The following HCN1 variants were observed in gnomAD, a reference collection of about 807,000 sequenced individuals.
HCN1 encodes potassium/sodium hyperpolarization-activated cyclic nucleotide-gated channel 1.
HCN1 carries 13 observed loss-of-function variants against 78.9 expected under a neutral mutation model. That is an observed-to-expected ratio of 0.16 (90% confidence interval 0.11 to 0.26). HCN1 has a LOEUF of 0.26. HCN1 is among the 10% of genes least tolerant of loss of function. HCN1 has a pLI of 1.00. For synonymous variants in HCN1, 552 were observed against 455.5 expected, an observed-to-expected ratio of 1.21 and a Z score of -2.70; for missense variants, 810 against 1,154.3, an observed-to-expected ratio of 0.70 and a Z score of 4.32.
At chr5:45,551,589 A>G (rs1743371550) in intron 2 of HCN1, among the ~76,000 whole-genome samples, 1 of 151,988 alleles carries the variant, frequency 6.6e-6, no homozygotes, top group Non-Finnish European at 1.5e-5. Flanking sequence ...ATACTGCCTC[A>G]CAAAGGGCAT....
At chr5:45,601,435 G>A (rs1205980171) in intron 2 of HCN1, among the ~76,000 whole-genome samples, 1 of 152,060 alleles carries the variant, frequency 6.6e-6, no homozygotes, top group Non-Finnish European at 1.5e-5. Flanking sequence ...TGACCTTTGG[G>A]GCCTGTGTTT....
chr5:45,657,846 C>A (rs1745805805), intron 1 of HCN1, among the ~76,000 whole-genome samples: 1 of 152,186 alleles, frequency 6.6e-6, no homozygotes, highest in African/African-American at 2.4e-5. Flanking sequence ...ATGCCATCCC[C>A]ATCAAGCTAC....
intron 4 of HCN1, among the ~76,000 whole-genome samples, chr5:45,374,808 C>T (rs1456745138): frequency 6.9e-6 from 1 of 145,184 alleles, no homozygotes; most frequent in Non-Finnish European, 1.5e-5. Context: ...ATATATAAAA[C>T]CATATATATG....
chr5:45,453,199 A>C (rs1007698966), intron 3 of HCN1, among the ~76,000 whole-genome samples: 6 of 152,116 alleles, frequency 3.9e-5, no homozygotes, highest in African/African-American at 1.2e-4. Flanking sequence ...TAGAAAGAGA[A>C]AGTTCATATG....
chr5:45,371,682 G>A (rs1469904214), intron 4 of HCN1, among the ~76,000 whole-genome samples: 17 of 149,514 alleles, frequency 1.1e-4, no homozygotes, highest in Admixed American at 2.7e-4. Context: ...ACTTGAACCC[G>A]GGAGGCGAAG....
intron 3 of HCN1, among the ~76,000 whole-genome samples, chr5:45,446,339 G>A (rs913890077): frequency 6.6e-6 from 1 of 152,002 alleles, no homozygotes; most frequent in African/African-American, 2.4e-5. Flanking sequence ...GTTTAGACAT[G>A]AAGAATAAAA....
At chr5:45,297,177 A>G (rs1014725014) in intron 6 of HCN1, among the ~76,000 whole-genome samples, 1 of 152,106 alleles carries the variant, frequency 6.6e-6, no homozygotes, top group Non-Finnish European at 1.5e-5. Flanking sequence ...TGGGAAACGA[A>G]GAGATGGGCT....
At chr5:45,446,000 C>T (rs543381977) in intron 3 of HCN1, among the ~76,000 whole-genome samples, 10 of 151,824 alleles carry the variant, frequency 6.6e-5, no homozygotes, top group Non-Finnish European at 1.0e-4. Flanking sequence ...TCCAAAGGAA[C>T]GCAGTTCCTC....
intron 6 of HCN1, among the ~76,000 whole-genome samples, chr5:45,280,610 C>T (rs1287089006): frequency 2.0e-5 from 3 of 152,162 alleles, no homozygotes; most frequent in Non-Finnish European, 4.4e-5. Context: ...CAGGAGTGCT[C>T]ATGAGGACAT....
In HCN1 at chr5:45,349,372, T is replaced by C. The variant is rs943735519; in HGVS notation, c.1377+3728A>G. Among the ~76,000 whole-genome samples, 8 of 152,146 alleles carry C rather than the reference T, an allele frequency of 5.3e-5. No individual in the cohort carries two copies. In the South Asian group the frequency reaches 6.2e-4, roughly 12 times the overall value. Reference sequence around the variant, plus strand: ...CAGAATCTCTGGGACACATTCAAAGTAGTGTGTAGAGGGAAATTCATAGCA... The same window carrying C: ...CAGAATCTCTGGGACACATTCAAAGCAGTGTGTAGAGGGAAATTCATAGCA... On this transcript the variant is annotated intron_variant, in intron 5 of 7. Transcript: ENST00000303230.
chr5:45,535,955 G>A lies in HCN1; in HGVS notation c.850-73948C>T, dbSNP rs374672969. ...TTTCTTATTCACTTTTACCAGTTAAGGATAATTTCTATGGATACAGAATTC... is the reference window on the plus strand; with the variant it reads ...TTTCTTATTCACTTTTACCAGTTAAAGATAATTTCTATGGATACAGAATTC... On this transcript the variant is annotated intron_variant, in intron 2 of 7. Transcript: ENST00000303230. Among the ~76,000 whole-genome samples the A allele has an allele frequency of 2.0e-4, 30 of 152,178 alleles. No homozygotes were observed. The South Asian group carries it at 6.2e-3, about 32-fold the overall frequency.
At chr5:45,659,065 T>A (rs1745857618) in intron 1 of HCN1, among the ~76,000 whole-genome samples, 1 of 151,986 alleles carries the variant, frequency 6.6e-6, no homozygotes, top group African/African-American at 2.4e-5. Flanking sequence ...TCTGACAGCT[T>A]TGAAGAGACC....
intron 5 of HCN1, among the ~76,000 whole-genome samples, chr5:45,330,134 A>G (rs1746315493): frequency 6.6e-6 from 1 of 151,488 alleles, no homozygotes; most frequent in East Asian, 1.9e-4. Context: ...ACACTAAGAA[A>G]TCAACATTGC....
chr5:45,608,311 AT>A (rs1387635592), intron 2 of HCN1, among the ~76,000 whole-genome samples: 10 of 151,740 alleles, frequency 6.6e-5, no homozygotes, highest in Non-Finnish European at 1.5e-4. Context: ...GTATCAATAA[AT>A]TCATTACAAT....
rs1561076561 is a variant in HCN1, at chr5:45,256,781, C to CCCTG, written c.*5136_*5139dup. ...GTAGAGACCAGGTCTTGACATGCTG[C>CCCTG]CCTGGTTGGTCTCCAATTCCTGGCC... On this transcript the variant is annotated 3_prime_UTR_variant, in exon 8 of 8. Coordinates refer to ENST00000303230, the MANE Select transcript of HCN1 (RefSeq NM_021072.4). 1 of 152,592 alleles carries CCCTG rather than the reference C, an allele frequency of 6.6e-6. No individual in the cohort carries two copies. Among genetic ancestry groups the CCCTG allele is most frequent in the Non-Finnish European group, 1.5e-5 (1 of 68,424 alleles). 9.5% of individuals were successfully genotyped at this position (152,592 alleles called of 1,614,324 possible). A position where few individuals can be genotyped will look rare whatever the true frequency, so the allele number is the denominator to read the frequency against.
chr5:45,325,238 G>A (rs1236538581), intron 5 of HCN1, among the ~76,000 whole-genome samples: 1 of 151,616 alleles, frequency 6.6e-6, no homozygotes, highest in African/African-American at 2.4e-5. Flanking sequence ...TTCTAAATTA[G>A]CCAGGTTCCA....
At chr5:45,513,132 C>A (rs912505022) in intron 2 of HCN1, among the ~76,000 whole-genome samples, 2 of 151,296 alleles carry the variant, frequency 1.3e-5, no homozygotes, top group African/African-American at 4.8e-5. Context: ...ATGGCAAAAC[C>A]CCTAGATTTT....
intron 2 of HCN1, among the ~76,000 whole-genome samples, chr5:45,549,942 A>G (rs1185791553): frequency 6.6e-6 from 1 of 152,192 alleles, no homozygotes; most frequent in Non-Finnish European, 1.5e-5. Context: ...TCGAAACCAC[A>G]GTGAGATACC....
intron 3 of HCN1, among the ~76,000 whole-genome samples, 170 bp from the exon 4 acceptor site, chr5:45,396,880 C>G (rs1423709531): frequency 6.6e-6 from 1 of 152,100 alleles, no homozygotes; most frequent in Admixed American, 6.6e-5. Flanking sequence ...TGATGTTTTT[C>G]AAATCTTTCT....
Sources: allele counts gnomAD v4.1 joint callset (sites outside exome capture counted in the v4.1 genomes callset), GRCh38; gene constraint gnomAD v4.1.1; transcripts MANE v1.5; gene names NCBI Gene and HGNC (gene_info 2026-07-23, HGNC 2026-07-21).